ZNF331: variants seen among roughly 807,000 people sequenced by gnomAD.
The protein encoded by ZNF331 is zinc finger protein 331, also known as C2H2-like zinc finger protein rearranged in thyroid adenomas.
In ZNF331, 2 loss-of-function variants were observed where a neutral mutation model predicts 7.0. The observed-to-expected ratio is 0.29, with a 90% CI of 0.12 to 0.90. The LOEUF (loss-of-function observed/expected upper bound fraction) is 0.90, where lower values mean the gene tolerates loss of function less well. Among genes scored for constraint, ZNF331 ranks in the 40% least tolerant of loss-of-function variants. The probability of loss-of-function intolerance (pLI) is 0.58; values close to 1 mark genes in which losing one functional copy is unlikely to be tolerated. For synonymous variants in ZNF331, 196 were observed against 205.4 expected, an observed-to-expected ratio of 0.95 and a Z score of 0.39; for missense variants, 432 against 587.7, an observed-to-expected ratio of 0.74 and a Z score of 2.74.
At chr19:53,513,162 C>G in the ZNF331 span, among the ~76,000 whole-genome samples, 4 of 151,398 alleles carry the variant, frequency 2.6e-5, no homozygotes, top group African/African-American at 9.7e-5. Context: ...CTAAAACCCT[C>G]TCAGCCGCTG....
Position 53,578,055 on chromosome 19 carries a change from C to A in ZNF331, c.*103C>A. ...TTCAAAAATATTAAATGGAAAATTC[C>A]AGAAATAAAGAATTTTAAGTCTCAA... On this transcript the variant is annotated 3_prime_UTR_variant, in exon 6 of 6. Transcript: ENST00000449416. 7.4e-7 allele frequency: 1 copy of A among 1,347,186 alleles called. No individual in the cohort carries two copies. Among genetic ancestry groups the A allele is most frequent in the Non-Finnish European group, 9.9e-7 (1 of 1,009,432 alleles). 83.5% of individuals were successfully genotyped at this position (1,347,186 alleles called of 1,614,324 possible). A position where few individuals can be genotyped will look rare whatever the true frequency, so the allele number is the denominator to read the frequency against.
intron 2 of ZNF331, among the ~76,000 whole-genome samples, chr19:53,543,995 G>C (rs575698552): frequency 6.6e-6 from 1 of 150,712 alleles, no homozygotes; most frequent in East Asian, 2.0e-4. Context: ...TTGGGAGGTC[G>C]AGGTGGGCAG....
chr19:53,569,389 A>G lies in ZNF331; in HGVS notation c.9+4A>G, dbSNP rs1182988251. The G allele has an allele frequency of 6.8e-6, 11 of 1,613,702 alleles. No individual in the cohort carries two copies. Among genetic ancestry groups the G allele is most frequent in the Non-Finnish European group, 9.3e-6 (11 of 1,179,900 alleles). ...CAGTTCTAAAACAATGGCCCAGGTA[A>G]GTGTATATTTCTCTTTCCTTCTTGA... On this transcript the variant is annotated splice_donor_region_variant and intron_variant, in intron 4 of 5. Transcript: ENST00000449416.
At chr19:53,570,836 C>G (rs2090407714) in intron 4 of ZNF331, among the ~76,000 whole-genome samples, 1 of 149,382 alleles carries the variant, frequency 6.7e-6, no homozygotes, top group African/African-American at 2.5e-5. Flanking sequence ...CCAGCAAACC[C>G]TATCTTCTTT....
chr19:53,535,372 G>A (rs1269625849), upstream of ZNF331, among the ~76,000 whole-genome samples: 1 of 152,184 alleles, frequency 6.6e-6, no homozygotes, highest in East Asian at 1.9e-4. Context: ...GGTTACAGGT[G>A]TAAGCCACTG....
intron 2 of ZNF331, among the ~76,000 whole-genome samples, chr19:53,543,303 C>T (rs12974740): frequency 0.18 from 27,252 of 152,128 alleles, 3,022 homozygotes; most frequent in Non-Finnish European, 0.24. Context: ...CTCGCCCTGT[C>T]TCCCAGGCTG....
intron 2 of ZNF331, among the ~76,000 whole-genome samples, chr19:53,543,064 C>T (rs1175828599): frequency 1.3e-5 from 2 of 152,180 alleles, no homozygotes; most frequent in Non-Finnish European, 2.9e-5. Flanking sequence ...CTGCCTCAGC[C>T]TCCGAAAGTG....
At chr19:53,504,556 G>C in the ZNF331 span, among the ~76,000 whole-genome samples, 887 of 151,908 alleles carry the variant, frequency 5.8e-3, 15 homozygotes, top group African/African-American at 0.02. Context: ...ATAAGAAAGT[G>C]ACGGTGCACA....
intron 2 of ZNF331, among the ~76,000 whole-genome samples, chr19:53,550,851 T>TC (rs1431127077): frequency 1.4e-5 from 2 of 147,780 alleles, no homozygotes; most frequent in Non-Finnish European, 3.0e-5. Flanking sequence ...ATCTTTTTTT[T>TC]TTTTTTTCTT....
the ZNF331 span, among the ~76,000 whole-genome samples, chr19:53,508,841 G>A: frequency 6.6e-6 from 1 of 152,138 alleles, no homozygotes; most frequent in Admixed American, 6.5e-5. Context: ...GGGACAAAAT[G>A]TCTTGGAGAC....
chr19:53,556,480 CTT>C (rs892971592), intron 3 of ZNF331, among the ~76,000 whole-genome samples: 14 of 144,874 alleles, frequency 9.7e-5, no homozygotes, highest in Admixed American at 1.4e-4. Flanking sequence ...AAAGGGCAAA[CTT>C]TTTTTTTTTA....
At chr19:53,557,814 A>C (rs1010963694) in intron 3 of ZNF331, among the ~76,000 whole-genome samples, 1 of 152,118 alleles carries the variant, frequency 6.6e-6, no homozygotes, top group African/African-American at 2.4e-5. Flanking sequence ...AAATACAAAA[A>C]TTAGCTGGGT....
At chr19:53,522,752 G>A (rs2087134935) in intron 2 of ZNF331, 1 of 152,176 alleles carries the variant, frequency 6.6e-6, no homozygotes, top group African/African-American at 2.4e-5. Context: ...CTTTCCTTGG[G>A]CCCATTTCTT....
chr19:53,513,157 ACC>A, the ZNF331 span, among the ~76,000 whole-genome samples: 1 of 149,702 alleles, frequency 6.7e-6, no homozygotes, highest in Non-Finnish European at 1.5e-5. Context: ...GATCTCTAAA[ACC>A]CTCTCAGCCG....
chr19:53,554,202 T>C (rs1468720344), intron 2 of ZNF331, among the ~76,000 whole-genome samples: 4 of 152,082 alleles, frequency 2.6e-5, no homozygotes, highest in African/African-American at 2.4e-5. Context: ...AGTGCGCCTG[T>C]GGCTTCGGGA....
At chr19:53,541,975 CT>C (rs2088207256) in intron 2 of ZNF331, among the ~76,000 whole-genome samples, 1 of 151,070 alleles carries the variant, frequency 6.6e-6, no homozygotes, top group Non-Finnish European at 1.5e-5. Context: ...GCACTCTAGC[CT>C]GGGCAACAAA....
chr19:53,575,100 C>T (rs988576796), intron 5 of ZNF331, among the ~76,000 whole-genome samples: 1 of 151,752 alleles, frequency 6.6e-6, no homozygotes, highest in Non-Finnish European at 1.5e-5. Context: ...CCACACCTGG[C>T]TAATTTTTGT....
intron 3 of ZNF331, among the ~76,000 whole-genome samples, chr19:53,568,241 T>TC (rs2090259032): frequency 6.7e-6 from 1 of 150,112 alleles, no homozygotes; most frequent in Admixed American, 6.6e-5. Flanking sequence ...TGAGACTCCG[T>TC]TCAAAAAAAA....
rs1183296477 is a variant in ZNF331 at position 53,577,054 on chromosome 19, A to G, written c.494A>G (p.Lys165Arg). The change falls in exon 6 of 6, where the codon AAG (lysine) becomes AGG (arginine). Residue 165 changes from lysine to arginine, a missense_variant. Transcript: ENST00000449416. ...GEKPYECKEC[K>R]KAFRWGNQLT... ...AAACCTTATGAATGTAAAGAATGTAAGAAGGCCTTCCGTTGGGGCAATCAG... is the reference window on the plus strand; with the variant it reads ...AAACCTTATGAATGTAAAGAATGTAGGAAGGCCTTCCGTTGGGGCAATCAG... 5.0e-6 allele frequency: 8 copies of G among 1,613,442 alleles called. No individual in the cohort carries two copies. Among genetic ancestry groups the G allele is most frequent in the South Asian group, 2.2e-5 (2 of 91,074 alleles).
Sources: gnomAD v4.1 joint callset for allele counts (sites outside exome capture counted in the v4.1 genomes callset) on GRCh38, gnomAD v4.1.1 for gene constraint, MANE v1.5 for transcripts, NCBI Gene and HGNC (gene_info 2026-07-23, HGNC 2026-07-21) for gene names.